The following ACSM6 variants were observed in gnomAD, a reference collection of about 807,000 sequenced individuals.
ACSM6 encodes acyl-coenzyme A synthetase ACSM6, mitochondrial.
A neutral mutation model predicts 51.1 loss-of-function variants in ACSM6; 35 were observed. The ratio of observed to expected loss-of-function variants is 0.69; its 90% CI spans 0.52 to 0.91. ACSM6 has a LOEUF of 0.91. Among genes scored for constraint, ACSM6 ranks in the 40% least tolerant of loss-of-function variants. The probability of loss-of-function intolerance (pLI) is 0.00; values close to 1 mark genes in which losing one functional copy is unlikely to be tolerated. For synonymous variants in ACSM6, 172 were observed against 207.3 expected, an observed-to-expected ratio of 0.83 and a Z score of 1.46; for missense variants, 509 against 584.1, an observed-to-expected ratio of 0.87 and a Z score of 1.32.
At position 95,221,666 on chromosome 10, in the gene ACSM6, A is replaced by G. The variant is rs537283954; in HGVS notation, c.1200+1695A>G. Among the ~76,000 whole-genome samples the G allele has an allele frequency of 2.0e-5, 3 of 152,306 alleles. No homozygotes were observed. In the South Asian group the frequency reaches 6.2e-4, roughly 32 times the overall value. ...AATGGATAAAGTCCTAAAAACATACAACCTACCAAGACTGAATCATAAAGA... is the reference window on the plus strand; with the variant it reads ...AATGGATAAAGTCCTAAAAACATACGACCTACCAAGACTGAATCATAAAGA... On this transcript the variant is annotated intron_variant, in intron 9 of 10. Transcript: ENST00000341686.
exon 11 of ACSM6, chr10:95,228,920 C>A: frequency 2.2e-6 from 2 of 914,314 alleles, no homozygotes; most frequent in Non-Finnish European, 3.0e-6. Context: ...AAAACTCATC[C>A]ATAATCTCAT....
intron 2 of ACSM6, among the ~76,000 whole-genome samples, chr10:95,200,346 G>A (rs1258393127): frequency 8.6e-6 from 1 of 115,702 alleles, no homozygotes; most frequent in Non-Finnish European, 1.7e-5. Flanking sequence ...GGGGACTGTT[G>A]TGGGGTGGGG....
chr10:95,208,131 ACT>A (rs1327601924), intron 4 of ACSM6, among the ~76,000 whole-genome samples: 2 of 151,076 alleles, frequency 1.3e-5, no homozygotes, highest in African/African-American at 2.4e-5. Context: ...ACAGAGTGAG[ACT>A]CTGTCTCAAA....
At chr10:95,210,815 T>C in intron 5 of ACSM6, 22 bp downstream of exon 5, 1 of 1,606,218 alleles carries the variant, frequency 6.2e-7, no homozygotes, top group African/African-American at 1.3e-5. Flanking sequence ...GCACAGCCTG[T>C]ACAGGCCTGA....
At chr10:95,212,217 A>C (rs1262581183) in intron 6 of ACSM6, among the ~76,000 whole-genome samples, 183 bp downstream of exon 6, 1 of 152,140 alleles carries the variant, frequency 6.6e-6, no homozygotes, top group Non-Finnish European at 1.5e-5. Flanking sequence ...GGGGCTTTGC[A>C]ATTAGGAAGA....
chr10:95,210,131 A>G (rs1034001048), intron 4 of ACSM6, among the ~76,000 whole-genome samples: 5 of 152,172 alleles, frequency 3.3e-5, no homozygotes, highest in Non-Finnish European at 2.9e-5. Context: ...CATTTCACTA[A>G]AATATTATTT....
chr10:95,197,084 C>T (rs371711923), intron 2 of ACSM6, among the ~76,000 whole-genome samples: 11 of 152,318 alleles, frequency 7.2e-5, no homozygotes, highest in African/African-American at 2.6e-4. Flanking sequence ...TGCCAATTCC[C>T]ACACTCAATG....
At chr10:95,221,353 G>A (rs1331706733) in intron 9 of ACSM6, among the ~76,000 whole-genome samples, 2 of 152,134 alleles carry the variant, frequency 1.3e-5, no homozygotes, top group African/African-American at 2.4e-5. Context: ...TTCGGAGGCC[G>A]AGGCCAGTGG....
At chr10:95,219,735 C>T (rs1329104254) in intron 8 of ACSM6, among the ~76,000 whole-genome samples, 156 bp from the exon 9 acceptor site, 2 of 152,012 alleles carry the variant, frequency 1.3e-5, no homozygotes, top group Non-Finnish European at 2.9e-5. Flanking sequence ...TTAATTTAGT[C>T]ACACTCCTGC....
chr10:95,216,707 TC>T (rs962208829), intron 8 of ACSM6, among the ~76,000 whole-genome samples: 3 of 150,898 alleles, frequency 2.0e-5, no homozygotes, highest in African/African-American at 7.3e-5. Flanking sequence ...AGGATCAACA[TC>T]CCCCACTTGA....
chr10:95,212,072 G>C, intron 6 of ACSM6, 38 bp downstream of exon 6: 1 of 1,611,954 alleles, frequency 6.2e-7, no homozygotes, highest in East Asian at 2.2e-5. Flanking sequence ...GTGGGACAAA[G>C]GCCAGAGAGA....
At chr10:95,215,029 G>C (rs977351241) in intron 8 of ACSM6, 54 bp downstream of exon 8, 3 of 1,543,416 alleles carry the variant, frequency 1.9e-6, no homozygotes, top group Non-Finnish European at 2.6e-6. Context: ...CCCATTCACT[G>C]TGTAAGCACA....
chr10:95,221,074 T>C (rs1344569154), intron 9 of ACSM6, among the ~76,000 whole-genome samples: 1 of 151,978 alleles, frequency 6.6e-6, no homozygotes, highest in African/African-American at 2.4e-5. Flanking sequence ...CCTTGCATAC[T>C]AAAGTATAAA....
At chr10:95,209,951 T>A (rs2034878076) in intron 4 of ACSM6, among the ~76,000 whole-genome samples, 1 of 152,124 alleles carries the variant, frequency 6.6e-6, no homozygotes, top group African/African-American at 2.4e-5. Flanking sequence ...CAAGTGCCTA[T>A]CTGGATTATA....
At chr10:95,200,125 T>A (rs547455576) in intron 2 of ACSM6, among the ~76,000 whole-genome samples, 3 of 152,142 alleles carry the variant, frequency 2.0e-5, no homozygotes, top group Middle Eastern at 3.4e-3. Context: ...AGACTGGATT[T>A]AGAAAATGTG....
intron 10 of ACSM6, among the ~76,000 whole-genome samples, chr10:95,227,241 C>G (rs923108126): frequency 6.6e-6 from 1 of 152,090 alleles, no homozygotes; most frequent in Non-Finnish European, 1.5e-5. Context: ...CCTGCCTCAG[C>G]CTCCCAAAAT....
At chr10:95,205,960 G>A (rs2034835616) in intron 3 of ACSM6, among the ~76,000 whole-genome samples, 5 of 152,106 alleles carry the variant, frequency 3.3e-5, no homozygotes, top group Admixed American at 2.0e-4. Flanking sequence ...CGAATTAGAT[G>A]AACTCCCCAT....
intron 8 of ACSM6, among the ~76,000 whole-genome samples, chr10:95,216,410 G>T (rs547434675): frequency 5.3e-5 from 8 of 152,270 alleles, no homozygotes; most frequent in African/African-American, 1.9e-4. Context: ...ATCAAGGAAG[G>T]AAGAGACTGG....
intron 8 of ACSM6, 25 bp from the exon 9 acceptor site, chr10:95,219,866 A>G: frequency 6.3e-7 from 1 of 1,583,878 alleles, no homozygotes; most frequent in Non-Finnish European, 8.6e-7. Flanking sequence ...TTTAAAGAAA[A>G]ACTTGTCTGC....
Sources: allele counts gnomAD v4.1 joint callset (sites outside exome capture counted in the v4.1 genomes callset), GRCh38; gene constraint gnomAD v4.1.1; transcripts MANE v1.5; gene names NCBI Gene and HGNC (gene_info 2026-07-23, HGNC 2026-07-21).